Variants in IGSF5 observed in about 807,000 individuals in gnomAD.
IGSF5 encodes immunoglobulin superfamily member 5.
IGSF5 carries 41 observed loss-of-function variants against 39.4 expected under a neutral mutation model. The ratio of observed to expected loss-of-function variants is 1.04; its 90% confidence interval spans 0.81 to 1.35. The LOEUF (loss-of-function observed/expected upper bound fraction) is 1.35. IGSF5 is among the 40% of genes most tolerant of loss of function. The pLI, the probability that IGSF5 is intolerant of heterozygous loss-of-function variation, is 0.00. For missense variants in IGSF5, 487 were observed against 494.6 expected, an observed-to-expected ratio of 0.98 and a Z score of 0.15; for synonymous variants, 183 against 175.3, an observed-to-expected ratio of 1.04 and a Z score of -0.34.
At chr21:39,735,336 AAGTT>A in the IGSF5 span, among the ~76,000 whole-genome samples, 2 of 152,188 alleles carry the variant, frequency 1.3e-5, no homozygotes, top group Admixed American at 6.5e-5. Flanking sequence ...AAAATCATAA[AAGTT>A]AGTCATTAAA....
At chr21:39,725,556 C>T in the IGSF5 span, among the ~76,000 whole-genome samples, 121 of 152,254 alleles carry the variant, frequency 7.9e-4, no homozygotes, top group Non-Finnish European at 1.6e-3. Flanking sequence ...TTTTAAACAC[C>T]TCAGCAAATC....
chr21:39,754,764 G>A (rs2080021676), intron 2 of IGSF5, among the ~76,000 whole-genome samples: 1 of 152,172 alleles, frequency 6.6e-6, no homozygotes, highest in Admixed American at 6.5e-5. Flanking sequence ...ACCCCATAGG[G>A]ATATTCATGA....
At chr21:39,755,917 A>T (rs2080027438) in intron 2 of IGSF5, among the ~76,000 whole-genome samples, 1 of 151,366 alleles carries the variant, frequency 6.6e-6, no homozygotes, top group South Asian at 2.1e-4. Flanking sequence ...CAGCCTGGCC[A>T]ACATGGTGAA....
chr21:39,719,209 C>T, the IGSF5 span, among the ~76,000 whole-genome samples: 11 of 152,174 alleles, frequency 7.2e-5, no homozygotes, highest in South Asian at 2.3e-3. Flanking sequence ...GCTATGTTGC[C>T]CAGGCTGGTC....
At chr21:39,756,016 G>A (rs945295161) in intron 2 of IGSF5, among the ~76,000 whole-genome samples, 5 of 151,882 alleles carry the variant, frequency 3.3e-5, no homozygotes, top group South Asian at 2.1e-4. Context: ...GCTTGAACCT[G>A]GGAGGCGGAG....
chr21:39,753,151 C>G (rs1217098450), intron 2 of IGSF5, among the ~76,000 whole-genome samples: 1 of 152,098 alleles, frequency 6.6e-6, no homozygotes, highest in East Asian at 1.9e-4. Context: ...TTTCATCTAT[C>G]TTGAGTTAGT....
chr21:39,777,626 C>T (rs1601134708), intron 4 of IGSF5, among the ~76,000 whole-genome samples: 3 of 152,112 alleles, frequency 2.0e-5, no homozygotes, highest in Non-Finnish European at 4.4e-5. Context: ...CAGCTCATCT[C>T]GGATGGTGGG....
chr21:39,770,930 T>A lies in IGSF5; in HGVS notation c.433T>A (p.Phe145Ile). 2 of 1,568,190 alleles carry A rather than the reference T, an allele frequency of 1.3e-6. No homozygotes were observed. The highest frequency in any genetic ancestry group is 8.7e-7 in the Non-Finnish European group (1 of 1,154,424). ...TTCTTCTTTAGTTATGGGAGAGCTG[T>A]TCATTCCCAGTGTTAATCTTGTAGT... ...YLTVQVMGEL[F>I]IPSVNLVVAE... is the part of the protein sequence containing the mutation. Residue 145 changes from phenylalanine (F) to isoleucine (I), a missense_variant, in exon 4 of 9, where the codon TTC becomes ATC. Phe to Ile is a conservative substitution (Grantham distance 21, BLOSUM62 0). Transcript: ENST00000380588.
At chr21:39,760,632 G>A (rs1053759717) in intron 2 of IGSF5, among the ~76,000 whole-genome samples, 1 of 151,860 alleles carries the variant, frequency 6.6e-6, no homozygotes, top group Non-Finnish European at 1.5e-5. Context: ...GTTCAGTGAC[G>A]TGATCTCGGC....
At chr21:39,730,877 T>C in the IGSF5 span, among the ~76,000 whole-genome samples, 1 of 152,200 alleles carries the variant, frequency 6.6e-6, no homozygotes, top group Non-Finnish European at 1.5e-5. Context: ...GGGCATGCAA[T>C]AGTCACTAAT....
chr21:39,798,549 A>G (rs1391591864), intron 8 of IGSF5, among the ~76,000 whole-genome samples: 1 of 152,168 alleles, frequency 6.6e-6, no homozygotes, highest in South Asian at 2.1e-4. Context: ...CCCATCTTCA[A>G]TGTCACAACT....
intron 2 of IGSF5, among the ~76,000 whole-genome samples, chr21:39,759,409 C>T (rs1397327238): frequency 1.3e-5 from 2 of 152,096 alleles, no homozygotes; most frequent in Non-Finnish European, 2.9e-5. Flanking sequence ...TTGTGTAGAG[C>T]TTAGGGACTG....
the IGSF5 span, among the ~76,000 whole-genome samples, chr21:39,715,112 T>C: frequency 1.0e-3 from 156 of 152,136 alleles, no homozygotes; most frequent in African/African-American, 3.4e-3. Flanking sequence ...TCTCTTCCTT[T>C]CTTTCTTTTC....
chr21:39,741,068 A>G (rs549153924), upstream of IGSF5, among the ~76,000 whole-genome samples: 1 of 152,166 alleles, frequency 6.6e-6, no homozygotes, highest in Non-Finnish European at 1.5e-5. Context: ...GACCAGCGCA[A>G]GGACTCTTAG....
chr21:39,785,010 A>G (rs2080191652), intron 5 of IGSF5, among the ~76,000 whole-genome samples: 1 of 148,722 alleles, frequency 6.7e-6, no homozygotes, highest in African/African-American at 2.5e-5. Flanking sequence ...TTATTTATTT[A>G]GCTATCAGAA....
the IGSF5 span, among the ~76,000 whole-genome samples, chr21:39,715,059 T>C: frequency 2.0e-5 from 3 of 151,962 alleles, no homozygotes; most frequent in East Asian, 5.8e-4. Context: ...TTTTCTTTCT[T>C]TCGTTCTTTC....
the IGSF5 span, among the ~76,000 whole-genome samples, chr21:39,719,589 A>G: frequency 9.9e-5 from 15 of 152,190 alleles, no homozygotes; most frequent in African/African-American, 3.4e-4. Context: ...GATCAGCAGT[A>G]ATTGATATGA....
chr21:39,782,524 C>T (rs1005252732), intron 5 of IGSF5, among the ~76,000 whole-genome samples: 1 of 152,118 alleles, frequency 6.6e-6, no homozygotes, highest in Admixed American at 6.5e-5. Context: ...ATTCCCGCTT[C>T]CCCCCAGTCC....
intron 8 of IGSF5, among the ~76,000 whole-genome samples, chr21:39,799,098 C>T (rs1430325219): frequency 2.6e-5 from 4 of 152,160 alleles, no homozygotes; most frequent in Non-Finnish European, 5.9e-5. Flanking sequence ...TCTTGGTCCC[C>T]AGGCTGCCTG....
Sources: gnomAD v4.1 joint callset for allele counts (sites outside exome capture counted in the v4.1 genomes callset) on GRCh38, gnomAD v4.1.1 for gene constraint, MANE v1.5 for transcripts, NCBI Gene and HGNC (gene_info 2026-07-23, HGNC 2026-07-21) for gene names.